Variants in TIE1 observed in about 807,000 individuals in gnomAD.
The protein encoded by TIE1 is tyrosine kinase with immunoglobulin like and EGF like domains 1.
A neutral mutation model predicts 130.5 loss-of-function variants in TIE1; 89 were observed. The observed-to-expected ratio is 0.68, with a 90% CI of 0.57 to 0.81. The LOEUF is 0.81. Among genes scored for constraint, TIE1 ranks in the 40% least tolerant of loss-of-function variants. TIE1 has a pLI of 0.00. For missense variants in TIE1, 1,392 were observed against 1,559.8 expected, an observed-to-expected ratio of 0.89 and a Z score of 1.81; for synonymous variants, 568 against 629.4, an observed-to-expected ratio of 0.90 and a Z score of 1.46.
At chr1:43,321,174 G>A (rs1288755089) in intron 19 of TIE1, 95 bp from the exon 20 acceptor site, 21 of 1,294,112 alleles carry the variant, frequency 1.6e-5, no homozygotes, top group South Asian at 3.6e-5. Context: ...CACATACAGC[G>A]GGGCTGGGAG....
Position 43,306,722 on chromosome 1 carries a change from C to A in TIE1, c.485-118C>A. Reference sequence around the variant, plus strand: ...TGGGCATAGGCTCTCGTGGTGCCGGCCCTAGGTCTCATCACTGTGCATGGG... The same window carrying A: ...TGGGCATAGGCTCTCGTGGTGCCGGACCTAGGTCTCATCACTGTGCATGGG... On this transcript the variant is annotated intron_variant, in intron 3 of 22. Coordinates refer to ENST00000372476, the MANE Select transcript of TIE1 (RefSeq NM_005424.5). This position sits in a 1 kb window ranked among gnomAD's most constrained non-coding sequence, Gnocchi z 4.9. The A allele has an allele frequency of 7.5e-7, 1 of 1,335,734 alleles. No individual in the cohort carries two copies. Among genetic ancestry groups the A allele is most frequent in the Non-Finnish European group, 1.0e-6 (1 of 982,504 alleles). The allele number at this position is 1,335,734 out of a possible 1,614,324, so 82.7% of individuals were successfully genotyped here. A position where few individuals can be genotyped will look rare whatever the true frequency, so the allele number is the denominator to read the frequency against.
At chr1:43,308,031 GT>G in intron 7 of TIE1, 107 bp downstream of exon 7, 1 of 1,496,530 alleles carries the variant, frequency 6.7e-7, no homozygotes, top group Non-Finnish European at 9.0e-7. Flanking sequence ...GAGGGTCCAA[GT>G]CCTGCCCTCA....
At chr1:43,321,060 CA>C (rs1347521322) in intron 19 of TIE1, among the ~76,000 whole-genome samples, 1 of 135,560 alleles carries the variant, frequency 7.4e-6, no homozygotes, top group Non-Finnish European at 1.6e-5. Context: ...AAAAACAAAA[CA>C]AAAGAGCTCT....
Position 43,309,260 on chromosome 1 carries a change from G to A in TIE1, c.1189-128G>A, listed in dbSNP as rs565313865. The A allele has an allele frequency of 1.9e-5, 29 of 1,509,190 alleles. No individual in the cohort carries two copies. The South Asian group carries it at 3.6e-4, about 19-fold the overall frequency. 93.5% of individuals were successfully genotyped at this position (1,509,190 alleles called of 1,614,324 possible). On this transcript the variant is annotated intron_variant, in intron 8 of 22. Coordinates refer to ENST00000372476, the MANE Select transcript of TIE1 (RefSeq NM_005424.5). The surrounding 1 kb of genome is among the most constrained non-coding windows in gnomAD (Gnocchi z 6.3). ...ATTGGCCTGACCATTGCTCACATGA[G>A]GTCAGGCTGATTGGTGAGGGGGCTG...
rs1646875196 is a variant in TIE1 at position 43,317,860 on chromosome 1, T to C, written c.2732-22T>C. 3 of 1,612,704 alleles carry C rather than the reference T, an allele frequency of 1.9e-6. No homozygotes were observed. In the South Asian group the frequency reaches 3.3e-5, roughly 18 times the overall value. On this transcript the variant is annotated intron_variant, in intron 16 of 22. Coordinates refer to ENST00000372476, the MANE Select transcript of TIE1 (RefSeq NM_005424.5). The surrounding 1 kb of genome is among the most constrained non-coding windows in gnomAD (Gnocchi z 5.1). Reference sequence around the variant, plus strand: ...AGGTTGCCTGTGTCTAAATCACCACTGTCTGTCTCTTTGCCTCTCAGGTTA... The same window carrying C: ...AGGTTGCCTGTGTCTAAATCACCACCGTCTGTCTCTTTGCCTCTCAGGTTA...
chr1:43,319,643 T>C lies in TIE1; in HGVS notation c.3107+114T>C, dbSNP rs1418364160. ...GGTCTAAGGCATGACCTGGGCTGTG[T>C]TCCAGGTGTGACACAGGTGTGTCTT... On this transcript the variant is annotated intron_variant, in intron 19 of 22. Transcript: ENST00000372476. The surrounding 1 kb of genome is among the most constrained non-coding windows in gnomAD (Gnocchi z 4.7). The C allele has an allele frequency of 1.8e-6, 2 of 1,106,320 alleles. No homozygotes were observed. The highest frequency in any genetic ancestry group is 3.1e-5 in the African/African-American group (2 of 64,654). The allele number at this position is 1,106,320 out of a possible 1,614,324, so 68.5% of individuals were successfully genotyped here. A position where few individuals can be genotyped will look rare whatever the true frequency, so the allele number is the denominator to read the frequency against.
rs1377070659 is a variant in TIE1, at chr1:43,316,647, C to G, written c.2410-552C>G. On this transcript the variant is annotated intron_variant, in intron 14 of 22. Coordinates refer to ENST00000372476, the MANE Select transcript of TIE1 (RefSeq NM_005424.5). This position sits in a 1 kb window ranked among gnomAD's most constrained non-coding sequence, Gnocchi z 4.4. The stretch of plus-strand genomic sequence containing the variant: ...TCTGCTTCTGCTACTGTGGAGAAAA[C>G]CCCTCCACTGGCTCCCAGCAGCTCA... 6.6e-6 allele frequency among the ~76,000 whole-genome samples: 1 copy of G among 152,120 alleles called. No homozygotes were observed. Among genetic ancestry groups the G allele is most frequent in the African/African-American group, 2.4e-5 (1 of 41,398 alleles).
chr1:43,309,818 G>A lies in TIE1; in HGVS notation c.1333+286G>A, dbSNP rs763435372. Among the ~76,000 whole-genome samples, 28 of 152,068 alleles carry A rather than the reference G, an allele frequency of 1.8e-4. No homozygotes were observed. Among genetic ancestry groups the A allele is most frequent in the Non-Finnish European group, 3.5e-4 (24 of 68,004 alleles). ...CCAGCCATGCTGTCCCCCACCAACCGTCACACACAGACAAGTATACCTTTA... is the reference window on the plus strand; with the variant it reads ...CCAGCCATGCTGTCCCCCACCAACCATCACACACAGACAAGTATACCTTTA... On this transcript the variant is annotated intron_variant, in intron 9 of 22. Coordinates refer to ENST00000372476, the MANE Select transcript of TIE1 (RefSeq NM_005424.5). This position sits in a 1 kb window ranked among gnomAD's most constrained non-coding sequence, Gnocchi z 6.3.
chr1:43,321,387 C>A lies in TIE1; in HGVS notation c.3149-9C>A. ...CCCTGGACCGAGAGCACTTTGTCCC[C>A]TCCTGCAGGAGGTACACCCTACTGT... On this transcript the variant is annotated splice_polypyrimidine_tract_variant and intron_variant, in intron 20 of 22. Transcript: ENST00000372476. The A allele has an allele frequency of 6.2e-7, 1 of 1,613,976 alleles. No homozygotes were observed. The highest frequency in any genetic ancestry group is 8.5e-7 in the Non-Finnish European group (1 of 1,179,898).
In TIE1 at chr1:43,305,134, G is replaced by C. The variant is rs760603121; in HGVS notation, c.342G>C (p.Thr114=). Residue 114 remains threonine (T), a synonymous_variant, in exon 2 of 23, where the codon ACG becomes ACC. Transcript: ENST00000372476. ...SCVGGAGARR[T]RVIYVHNSPG... ...TGGGCGGTGCTGGGGCGCGGCGCACGCGCGTCATCTACGTGCACAACAGCC... is the reference window on the plus strand; with the variant it reads ...TGGGCGGTGCTGGGGCGCGGCGCACCCGCGTCATCTACGTGCACAACAGCC... 2.5e-6 allele frequency: 4 copies of C among 1,613,724 alleles called. No individual in the cohort carries two copies. The African/African-American group carries it at 5.3e-5, about 22-fold the overall frequency.
intron 7 of TIE1, 32 bp from the exon 8 acceptor site, chr1:43,308,954 G>C: frequency 6.2e-7 from 1 of 1,613,884 alleles, no homozygotes; most frequent in Non-Finnish European, 8.5e-7. Flanking sequence ...TGCCCCTGTG[G>C]GAGCTCCAGG....
chr1:43,320,866 A>T (rs1646910191), intron 19 of TIE1: 1 of 136,534 alleles, frequency 7.3e-6, no homozygotes, highest in Admixed American at 6.9e-5. Flanking sequence ...AAAAATAAAT[A>T]AATAAATAAA....
At chr1:43,302,100 G>A (rs1202312575) in intron 1 of TIE1, among the ~76,000 whole-genome samples, 1 of 152,062 alleles carries the variant, frequency 6.6e-6, no homozygotes, top group Non-Finnish European at 1.5e-5. Context: ...ATTTTCAGGG[G>A]GTGTTCATAG....
intron 9 of TIE1, among the ~76,000 whole-genome samples, chr1:43,311,092 G>A (rs756381524): frequency 4.6e-4 from 70 of 152,242 alleles, no homozygotes; most frequent in Non-Finnish European, 7.5e-4. Flanking sequence ...GATCTGAGGC[G>A]GCCTGCGCAG....
In TIE1 at chr1:43,312,657, A is replaced by T; in HGVS notation, c.1927+56A>T. On this transcript the variant is annotated intron_variant, in intron 12 of 22. Transcript: ENST00000372476. The surrounding 1 kb of genome is among the most constrained non-coding windows in gnomAD (Gnocchi z 5.6). The stretch of plus-strand genomic sequence containing the variant: ...TTGGGGGAGGACGTGGGACACAGGG[A>T]CACATGAGACCTAGGAGACACGGGA... 6.5e-7 allele frequency: 1 copy of T among 1,541,188 alleles called. No individual in the cohort carries two copies.
At position 43,305,076 on chromosome 1, in the gene TIE1, A is replaced by G; in HGVS notation, c.284A>G (p.Lys95Arg). Residue 95 changes from lysine (K) to arginine (R), a missense_variant, in exon 2 of 23, where the codon AAG (lysine) becomes AGG (arginine). Lys to Arg is a conservative substitution (Grantham distance 26). Coordinates refer to ENST00000372476, the MANE Select transcript of TIE1 (RefSeq NM_005424.5). The stretch of plus-strand genomic sequence containing the variant: ...CAGGTCACGCTTCGCGGCTTCTCCA[A>G]GCCCTCGGACCTCGTGGGCGTCTTC... ...SHQVTLRGFS[K>R]PSDLVGVFSC... The G allele has an allele frequency of 6.2e-7, 1 of 1,611,666 alleles. No individual in the cohort carries two copies. The highest frequency in any genetic ancestry group is 8.5e-7 in the Non-Finnish European group (1 of 1,178,688).
intron 14 of TIE1, chr1:43,314,601 G>A (rs1646841149): frequency 2.1e-6 from 2 of 959,460 alleles, no homozygotes; most frequent in Admixed American, 6.1e-5. Flanking sequence ...GCTGAGGCGG[G>A]TGGATCGCCT....
rs144275350 is a variant in TIE1, at chr1:43,305,265, G to A, written c.406G>A (p.Val136Met). 1.1e-3 allele frequency: 1,820 copies of A among 1,613,042 alleles called. 13 individuals carry two copies. Among genetic ancestry groups the A allele is most frequent in the Non-Finnish European group, 5.9e-4 (693 of 1,179,176 alleles). The stretch of plus-strand genomic sequence containing the variant: ...GCTTCCAGACAAGGTCACACACACT[G>A]TGAACAAAGGTGACACCGCTGTACT... ...HLLPDKVTHT[V>M]NKGDTAVLSA... The change falls in exon 3 of 23, where the codon GTG becomes ATG. Residue 136 changes from valine to methionine, a missense_variant. Around this residue, in one of 6 missense-constraint regions of TIE1, gnomAD observed 415 missense variants for 424.8 expected, o/e 0.98. Transcript: ENST00000372476.
chr1:43,313,559 TG>T lies in TIE1; in HGVS notation c.2218+138del, dbSNP rs1646827026. ...CCTGACAAAGAGTCAGCCCCAGTCCTGGGGACTCAGCCTTCCATTCTCATGA... is the reference window on the plus strand; with the variant it reads ...CCTGACAAAGAGTCAGCCCCAGTCCTGGGACTCAGCCTTCCATTCTCATGA... On this transcript the variant is annotated intron_variant, in intron 13 of 22. Coordinates refer to ENST00000372476, the MANE Select transcript of TIE1 (RefSeq NM_005424.5). This position sits in a 1 kb window ranked among gnomAD's most constrained non-coding sequence, Gnocchi z 6.2. The T allele has an allele frequency of 8.1e-7, 1 of 1,228,598 alleles. No homozygotes were observed. The highest frequency in any genetic ancestry group is 1.1e-6 in the Non-Finnish European group (1 of 892,124). The allele number at this position is 1,228,598 out of a possible 1,614,324, so 76.1% of individuals were successfully genotyped here.
Sources: allele counts gnomAD v4.1 joint callset (sites outside exome capture counted in the v4.1 genomes callset), GRCh38; gene constraint gnomAD v4.1.1; regional missense constraint gnomAD v4.1.1; non-coding constraint Gnocchi (gnomAD v3.1); transcripts MANE v1.5; gene names NCBI Gene and HGNC (gene_info 2026-07-23, HGNC 2026-07-21).